LGSN: variants seen among roughly 807,000 people sequenced by gnomAD.
LGSN encodes the protein lengsin.
LGSN carries 21 observed loss-of-function variants against 19.5 expected under a neutral mutation model. The ratio of observed to expected loss-of-function variants is 1.07; its 90% CI spans 0.76 to 1.55. The LOEUF is 1.55. Ranked by LOEUF, LGSN falls within the 40% of genes most tolerant of loss-of-function variation. The pLI is 0.00. For missense variants in LGSN, 673 were observed against 608.5 expected (o/e 1.11, Z -1.12); for synonymous variants, 257 against 215.6 (o/e 1.19, Z -1.68).
At chr6:63,510,452 C>CTT in the LGSN span, among the ~76,000 whole-genome samples, 1 of 124,258 alleles carries the variant, frequency 8.0e-6, no homozygotes, top group Non-Finnish European at 1.7e-5. Context: ...GACTACCTTT[C>CTT]TTTTTTTTTT....
chr6:63,306,175 T>A (rs930485661), intron 1 of LGSN, among the ~76,000 whole-genome samples: 1 of 152,172 alleles, frequency 6.6e-6, no homozygotes, highest in Non-Finnish European at 1.5e-5. Context: ...ACCCACAACA[T>A]ACAGGGAATA....
At chr6:63,530,432 T>C in the LGSN span, among the ~76,000 whole-genome samples, 1 of 152,168 alleles carries the variant, frequency 6.6e-6, no homozygotes, top group South Asian at 2.1e-4. Flanking sequence ...GTTGGGATGG[T>C]ACCATAAGAT....
At chr6:63,300,033 A>G (rs532906694) in intron 1 of LGSN, among the ~76,000 whole-genome samples, 1 of 152,270 alleles carries the variant, frequency 6.6e-6, no homozygotes, top group South Asian at 2.1e-4. Flanking sequence ...TGAGCCTTTG[A>G]ATTCTGAGGC....
the LGSN span, among the ~76,000 whole-genome samples, chr6:63,344,334 C>T: frequency 6.6e-6 from 1 of 152,130 alleles, no homozygotes; most frequent in East Asian, 1.9e-4. Flanking sequence ...AAAGCAATTT[C>T]AAATCCAAAA....
chr6:63,412,415 GAAGA>G, the LGSN span, among the ~76,000 whole-genome samples: 4,740 of 107,780 alleles, frequency 0.044, 287 homozygotes, highest in African/African-American at 0.15. Context: ...AAGAAAGAAA[GAAGA>G]AAGAAAGAAA....
chr6:63,490,382 T>C, the LGSN span, among the ~76,000 whole-genome samples: 1 of 152,150 alleles, frequency 6.6e-6, no homozygotes. Context: ...CAACAGATGA[T>C]GCCAACCTTA....
Position 63,305,725 on chromosome 6 carries a change from G to T in LGSN, c.31-10680C>A, listed in dbSNP as rs141753306. Among the ~76,000 whole-genome samples, 28 of 152,042 alleles carry T rather than the reference G, an allele frequency of 1.8e-4. No individual in the cohort carries two copies. In the East Asian group the frequency reaches 5.4e-3, roughly 30 times the overall value. On this transcript the variant is annotated intron_variant, in intron 1 of 3. Transcript: ENST00000370657. ...AGGCCCAATTCTCAAATCATTCTTT[G>T]CTCAATCAAACTCTGTTAAATTTAA...
At chr6:63,420,770 C>T in the LGSN span, among the ~76,000 whole-genome samples, 1 of 151,932 alleles carries the variant, frequency 6.6e-6, no homozygotes, top group Non-Finnish European at 1.5e-5. Flanking sequence ...AGGAAGATCT[C>T]AAAAGGAATG....
rs763620131 is a variant in LGSN, at chr6:63,281,000, G to C, written c.551C>G (p.Pro184Arg). Residue 184 changes from proline to arginine, a missense_variant, in exon 4 of 4, where the codon CCA becomes CGA. Physicochemically the swap from Pro to Arg is moderately radical, Grantham distance 103. Transcript: ENST00000370657. ...TVTGEPLLTS[P>R]RYIAKRQLSH... ...CAGCTGCCTCTTTGCAATGTACCTT[G>C]GGGAAGTCAAAAGAGGCTCACCAGT... 19 of 1,614,120 alleles carry C rather than the reference G, an allele frequency of 1.2e-5. No homozygotes were observed. The highest frequency in any genetic ancestry group is 5.0e-5 in the Admixed American group (3 of 60,016).
the LGSN span, among the ~76,000 whole-genome samples, chr6:63,334,427 A>T: frequency 6.6e-6 from 1 of 152,220 alleles, no homozygotes; most frequent in African/African-American, 2.4e-5. Flanking sequence ...CTACAAGGAA[A>T]ACTACAAAAC....
intron 2 of LGSN, among the ~76,000 whole-genome samples, chr6:63,289,918 C>A (rs1010072979): frequency 6.6e-6 from 1 of 152,120 alleles, no homozygotes; most frequent in Admixed American, 6.5e-5. Flanking sequence ...ATGGTGAGAG[C>A]CACCCTGTTT....
At chr6:63,389,283 T>C in the LGSN span, among the ~76,000 whole-genome samples, 1 of 152,212 alleles carries the variant, frequency 6.6e-6, no homozygotes. Context: ...TCATATTTTC[T>C]TACTAACAAT....
the LGSN span, among the ~76,000 whole-genome samples, chr6:63,357,206 C>A: frequency 6.6e-6 from 1 of 152,178 alleles, no homozygotes; most frequent in Non-Finnish European, 1.5e-5. Flanking sequence ...TGTATATGTG[C>A]CACATTTTCT....
the LGSN span, among the ~76,000 whole-genome samples, chr6:63,551,920 A>G: frequency 6.6e-6 from 1 of 152,096 alleles, no homozygotes; most frequent in South Asian, 2.1e-4. Flanking sequence ...TATGTGCCAC[A>G]TTTTCTTAAT....
chr6:63,334,416 T>C, the LGSN span, among the ~76,000 whole-genome samples: 22 of 152,134 alleles, frequency 1.4e-4, no homozygotes, highest in East Asian at 4.1e-3. Context: ...ATAGAAGATA[T>C]CTACAAGGAA....
chr6:63,331,870 G>A, the LGSN span, among the ~76,000 whole-genome samples: 9 of 152,062 alleles, frequency 5.9e-5, no homozygotes, highest in South Asian at 4.2e-4. Context: ...GGCCCATACC[G>A]ACGCATTCTT....
the LGSN span, among the ~76,000 whole-genome samples, chr6:63,460,733 T>C: frequency 1.4e-4 from 21 of 152,286 alleles, no homozygotes; most frequent in Admixed American, 2.6e-4. Context: ...TTGCGGATTT[T>C]TCCTTTTCTG....
the LGSN span, among the ~76,000 whole-genome samples, chr6:63,472,954 A>T: frequency 1.3e-5 from 2 of 151,068 alleles, no homozygotes; most frequent in African/African-American, 4.8e-5. Flanking sequence ...AAAATAAAAT[A>T]AAAATAAAAA....
chr6:63,320,176 G>A (rs144331474), upstream of LGSN, among the ~76,000 whole-genome samples: 103 of 152,238 alleles, frequency 6.8e-4, no homozygotes, highest in African/African-American at 2.2e-3. Context: ...GCTTGTTTAC[G>A]CCTGACTCCC....
Sources: allele counts gnomAD v4.1 joint callset (sites outside exome capture counted in the v4.1 genomes callset), GRCh38; gene constraint gnomAD v4.1.1; transcripts MANE v1.5; gene names NCBI Gene and HGNC (gene_info 2026-07-23, HGNC 2026-07-21).